The following ATP8B1 variants were observed in gnomAD, a reference collection of about 807,000 sequenced individuals.
ATP8B1 encodes the protein phospholipid-transporting ATPase IC.
A neutral mutation model predicts 149.9 loss-of-function variants in ATP8B1; 80 were observed. The observed-to-expected ratio is 0.53, with a 90% CI of 0.45 to 0.64. The LOEUF is 0.64. Ranked by LOEUF, ATP8B1 falls within the 30% of genes least tolerant of loss-of-function variation. The probability of loss-of-function intolerance (pLI) is 0.00; values close to 1 mark genes in which losing one functional copy is unlikely to be tolerated. For synonymous variants in ATP8B1, 536 were observed against 562.8 expected, an observed-to-expected ratio of 0.95 and a Z score of 0.67; for missense variants, 1,247 against 1,552.6, an observed-to-expected ratio of 0.80 and a Z score of 3.31.
Position 57,718,374 on chromosome 18 carries a change from C to G in ATP8B1, c.182-11787G>C, listed in dbSNP as rs138351356. ...AGATCAAAGCCATAATAAAAAGTCTCTCAGCAAAGAAAATCCCAGGACCCA... is the reference window on the plus strand; with the variant it reads ...AGATCAAAGCCATAATAAAAAGTCTGTCAGCAAAGAAAATCCCAGGACCCA... On this transcript the variant is annotated intron_variant, in intron 2 of 27. Transcript: ENST00000648908. 2.4e-4 allele frequency among the ~76,000 whole-genome samples: 36 copies of G among 152,242 alleles called. 1 individual carries two copies. The highest frequency in any genetic ancestry group is 2.0e-3 in the Admixed American group (31 of 15,282).
intron 1 of ATP8B1, among the ~76,000 whole-genome samples, chr18:57,797,867 T>A (rs1323559290): frequency 2.0e-5 from 3 of 151,916 alleles, no homozygotes; most frequent in Admixed American, 1.3e-4. Context: ...CCACCACACC[T>A]GGCTAATTTT....
chr18:57,690,793 A>C (rs1912490623), intron 12 of ATP8B1, among the ~76,000 whole-genome samples: 1 of 152,212 alleles, frequency 6.6e-6, no homozygotes, highest in Non-Finnish European at 1.5e-5. Flanking sequence ...CTAAGAATGA[A>C]CTCTGGCTGC....
chr18:57,801,246 A>T (rs1049832798), intron 1 of ATP8B1, among the ~76,000 whole-genome samples: 2 of 152,150 alleles, frequency 1.3e-5, no homozygotes, highest in Non-Finnish European at 2.9e-5. Context: ...GCAAAGAATC[A>T]CTAAAAGTTA....
At chr18:57,680,169 C>T (rs534401975) in intron 15 of ATP8B1, among the ~76,000 whole-genome samples, 32 of 146,876 alleles carry the variant, frequency 2.2e-4, no homozygotes, top group African/African-American at 7.6e-4. Flanking sequence ...CCCAGCTACT[C>T]GGGAGGCTGA....
At chr18:57,757,192 T>G (rs1406323907) in intron 1 of ATP8B1, among the ~76,000 whole-genome samples, 1 of 152,230 alleles carries the variant, frequency 6.6e-6, no homozygotes, top group African/African-American at 2.4e-5. Context: ...CTGTCCATAA[T>G]TATTTTGGTG....
chr18:57,778,310 C>T lies in ATP8B1; in HGVS notation c.-26+24688G>A, dbSNP rs141863184. 6.7e-3 allele frequency among the ~76,000 whole-genome samples: 1,017 copies of T among 150,872 alleles called. 12 individuals carry two copies. The highest frequency in any genetic ancestry group is 0.024 in the African/African-American group (976 of 41,040). On this transcript the variant is annotated intron_variant, in intron 1 of 27. Coordinates refer to ENST00000648908, the MANE Select transcript of ATP8B1 (RefSeq NM_001374385.1). ...GTGCGATCTCGGCTCACTGCAAGCT[C>T]CGCCTTCCAGGTTCACGCCATTCTC... is the stretch of plus-strand genomic sequence containing the variant.
intron 1 of ATP8B1, among the ~76,000 whole-genome samples, chr18:57,756,291 G>GTATATATATATACATATA (rs1250184376): frequency 2.6e-4 from 7 of 27,176 alleles, no homozygotes; most frequent in Non-Finnish European, 6.6e-4. Context: ...ATATATATGT[G>GTATATATATATACATATA]TGTGTGTATG....
intron 10 of ATP8B1, among the ~76,000 whole-genome samples, 183 bp from the exon 11 acceptor site, chr18:57,694,853 A>G (rs374562339): frequency 5.3e-5 from 8 of 151,984 alleles, no homozygotes; most frequent in East Asian, 1.9e-4. Context: ...AACATGGCAA[A>G]ACCCTGTCTC....
chr18:57,658,275 C>T (rs1910145330), intron 22 of ATP8B1, among the ~76,000 whole-genome samples: 1 of 152,148 alleles, frequency 6.6e-6, no homozygotes, highest in Non-Finnish European at 1.5e-5. Context: ...GTCTCGAACT[C>T]CCAACCTCAG....
At chr18:57,795,631 C>CT (rs2080507885) in intron 1 of ATP8B1, among the ~76,000 whole-genome samples, 1 of 152,058 alleles carries the variant, frequency 6.6e-6, no homozygotes, top group Non-Finnish European at 1.5e-5. Flanking sequence ...TGCATGATTC[C>CT]ACTTAACCTG....
intron 15 of ATP8B1, among the ~76,000 whole-genome samples, chr18:57,675,600 T>C (rs57619973): frequency 0.082 from 12,419 of 152,240 alleles, 980 homozygotes; most frequent in East Asian, 0.2. Context: ...GGTCTCCCTA[T>C]GTTGTCCAGG....
intron 1 of ATP8B1, among the ~76,000 whole-genome samples, chr18:57,738,845 G>C (rs1318960025): frequency 1.3e-5 from 2 of 151,958 alleles, no homozygotes; most frequent in African/African-American, 4.8e-5. Context: ...CACCCTTCCT[G>C]GGTGTTATGG....
intron 20 of ATP8B1, among the ~76,000 whole-genome samples, chr18:57,666,582 C>A (rs1449758500): frequency 1.3e-5 from 2 of 148,830 alleles, no homozygotes; most frequent in African/African-American, 2.5e-5. Context: ...GTCACCTAGG[C>A]TGGAGTACAG....
At chr18:57,753,577 G>A (rs567284437) in intron 1 of ATP8B1, among the ~76,000 whole-genome samples, 32 of 152,312 alleles carry the variant, frequency 2.1e-4, no homozygotes, top group African/African-American at 7.7e-4. Context: ...GCTCCATCTT[G>A]AAAACTCAGA....
At chr18:57,765,956 A>G (rs901433088) in intron 1 of ATP8B1, among the ~76,000 whole-genome samples, 32 of 146,834 alleles carry the variant, frequency 2.2e-4, no homozygotes, top group African/African-American at 7.0e-4. Context: ...GGGGCAACAA[A>G]GCAAGACTCT....
At chr18:57,759,945 A>AC (rs1167222152) in intron 1 of ATP8B1, among the ~76,000 whole-genome samples, 2 of 152,084 alleles carry the variant, frequency 1.3e-5, no homozygotes, top group African/African-American at 4.8e-5. Context: ...GGCAATTGCT[A>AC]CCACCCTCCT....
intron 16 of ATP8B1, 96 bp downstream of exon 16, chr18:57,674,738 C>G (rs1911487952): frequency 7.1e-7 from 1 of 1,412,782 alleles, no homozygotes; most frequent in African/African-American, 1.4e-5. Context: ...CCAAGTAGCT[C>G]TTTCACTGGC....
At chr18:57,688,020 G>A (rs1258273922) in intron 13 of ATP8B1, among the ~76,000 whole-genome samples, 1 of 151,966 alleles carries the variant, frequency 6.6e-6, no homozygotes, top group Non-Finnish European at 1.5e-5. Context: ...TGACCTCTTG[G>A]GATCTGCCCA....
chr18:57,696,042 G>C (rs1912789961), intron 8 of ATP8B1, among the ~76,000 whole-genome samples: 1 of 152,188 alleles, frequency 6.6e-6, no homozygotes, highest in South Asian at 2.1e-4. Context: ...GCAAGGTAAG[G>C]TCGTGGGTGG....
Sources: gnomAD v4.1 joint callset for allele counts (sites outside exome capture counted in the v4.1 genomes callset) on GRCh38, gnomAD v4.1.1 for gene constraint, MANE v1.5 for transcripts, NCBI Gene and HGNC (gene_info 2026-07-23, HGNC 2026-07-21) for gene names.